Variants in ATRNL1 observed in about 807,000 individuals in gnomAD.
ATRNL1 encodes the protein attractin like 1.
Under a neutral mutation model 182.7 loss-of-function variants are expected in ATRNL1, and 95 were observed. The ratio of observed to expected loss-of-function variants is 0.52; its 90% confidence interval spans 0.44 to 0.62. The LOEUF is 0.62. Ranked by LOEUF, ATRNL1 falls within the 20% of genes least tolerant of loss-of-function variation. The pLI is 0.00. For missense variants in ATRNL1, 1,471 were observed against 1,679.5 expected, an observed-to-expected ratio of 0.88 and a Z score of 2.17; for synonymous variants, 576 against 568.3, an observed-to-expected ratio of 1.01 and a Z score of -0.19.
chr10:115,287,285 G>T (rs1852663751), intron 15 of ATRNL1, among the ~76,000 whole-genome samples: 1 of 151,906 alleles, frequency 6.6e-6, no homozygotes, highest in Non-Finnish European at 1.5e-5. Flanking sequence ...GTTTATTGTG[G>T]GTAATAAATG....
At chr10:115,610,717 C>T (rs1002560145) in intron 26 of ATRNL1, among the ~76,000 whole-genome samples, 1 of 152,108 alleles carries the variant, frequency 6.6e-6, no homozygotes, top group Non-Finnish European at 1.5e-5. Context: ...GGTCTTTGAA[C>T]AGTGCTTACC....
At chr10:115,753,118 T>C (rs1948492383) in intron 27 of ATRNL1, among the ~76,000 whole-genome samples, 1 of 152,054 alleles carries the variant, frequency 6.6e-6, no homozygotes, top group African/African-American at 2.4e-5. Context: ...GATGCACATA[T>C]GGAAGATTTG....
At chr10:115,521,516 A>AAAATTTC (rs1850934936) in intron 25 of ATRNL1, among the ~76,000 whole-genome samples, 1 of 152,190 alleles carries the variant, frequency 6.6e-6, no homozygotes, top group Admixed American at 6.5e-5. Context: ...GGTTAAGTGA[A>AAAATTTC]AAATTTCACA....
intron 26 of ATRNL1, among the ~76,000 whole-genome samples, chr10:115,679,664 T>C (rs1945985164): frequency 6.6e-6 from 1 of 152,116 alleles, no homozygotes; most frequent in African/African-American, 2.4e-5. Flanking sequence ...AGCTCAACAA[T>C]TGTAACAATA....
chr10:115,635,803 C>T (rs552423663), intron 26 of ATRNL1, among the ~76,000 whole-genome samples: 1 of 152,004 alleles, frequency 6.6e-6, no homozygotes, highest in South Asian at 2.1e-4. Context: ...AGACACTGTA[C>T]AGGAAAAAAA....
intron 15 of ATRNL1, among the ~76,000 whole-genome samples, chr10:115,295,090 A>G (rs1366958269): frequency 6.6e-6 from 1 of 152,028 alleles, no homozygotes; most frequent in Non-Finnish European, 1.5e-5. Flanking sequence ...GGAACAACCT[A>G]TGAGATTGGT....
At chr10:115,654,408 G>T (rs554720361) in intron 26 of ATRNL1, among the ~76,000 whole-genome samples, 3 of 151,754 alleles carry the variant, frequency 2.0e-5, no homozygotes, top group Non-Finnish European at 4.4e-5. Flanking sequence ...TAGTAGAGAC[G>T]GGGTTTTGCC....
At chr10:115,781,929 A>G (rs940904896) in intron 27 of ATRNL1, among the ~76,000 whole-genome samples, 1 of 152,178 alleles carries the variant, frequency 6.6e-6, no homozygotes, top group Non-Finnish European at 1.5e-5. Flanking sequence ...ACTCTTACCC[A>G]CAATGTTTTT....
intron 21 of ATRNL1, among the ~76,000 whole-genome samples, chr10:115,433,117 A>T (rs1846245246): frequency 6.6e-6 from 1 of 151,948 alleles, no homozygotes; most frequent in Non-Finnish European, 1.5e-5. Flanking sequence ...TTTATGTTGA[A>T]TTTCTTTTAT....
chr10:115,473,561 T>G (rs1554972515), intron 24 of ATRNL1, among the ~76,000 whole-genome samples: 1 of 151,284 alleles, frequency 6.6e-6, no homozygotes, highest in Non-Finnish European at 1.5e-5. Flanking sequence ...CTTGCCTGAC[T>G]TGGGTGTCAG....
intron 24 of ATRNL1, among the ~76,000 whole-genome samples, chr10:115,495,551 A>T (rs1033625891): frequency 6.6e-6 from 1 of 152,064 alleles, no homozygotes; most frequent in Non-Finnish European, 1.5e-5. Flanking sequence ...GAATTTTCTG[A>T]TTTCTGACTT....
At chr10:115,830,978 G>A (rs150053205) in intron 27 of ATRNL1, among the ~76,000 whole-genome samples, 2 of 152,200 alleles carry the variant, frequency 1.3e-5, no homozygotes, top group East Asian at 3.9e-4. Flanking sequence ...CCTTGGCTGT[G>A]AGCACCAGTC....
At chr10:115,924,475 A>G (rs952002083) in intron 28 of ATRNL1, among the ~76,000 whole-genome samples, 1 of 152,140 alleles carries the variant, frequency 6.6e-6, no homozygotes, top group Admixed American at 6.5e-5. Context: ...ATGGCTAACC[A>G]GTTTTTCCAG....
chr10:115,492,836 G>A (rs1409864050), intron 24 of ATRNL1, among the ~76,000 whole-genome samples: 2 of 151,126 alleles, frequency 1.3e-5, no homozygotes, highest in African/African-American at 2.4e-5. Context: ...GTAGAGACGG[G>A]GTTTCACCAT....
chr10:115,412,901 T>C (rs1242703376), intron 20 of ATRNL1, among the ~76,000 whole-genome samples: 1 of 152,196 alleles, frequency 6.6e-6, no homozygotes, highest in African/African-American at 2.4e-5. Flanking sequence ...ATGTTGAAAA[T>C]AGTTAGATCC....
intron 15 of ATRNL1, among the ~76,000 whole-genome samples, chr10:115,295,778 G>T (rs959196294): frequency 6.6e-6 from 1 of 152,092 alleles, no homozygotes; most frequent in South Asian, 2.1e-4. Context: ...TTTCCCTGCT[G>T]TGTAGGACCA....
chr10:115,569,783 T>C (rs1215396463), intron 26 of ATRNL1, among the ~76,000 whole-genome samples: 1 of 151,706 alleles, frequency 6.6e-6, no homozygotes, highest in Non-Finnish European at 1.5e-5. Flanking sequence ...ATACTTTTTT[T>C]TTTTTTTTAA....
intron 7 of ATRNL1, among the ~76,000 whole-genome samples, chr10:115,166,379 A>G (rs1380539129): frequency 2.0e-5 from 3 of 151,736 alleles, no homozygotes; most frequent in African/African-American, 7.3e-5. Flanking sequence ...GTGTACAACT[A>G]TCTGAGTCTC....
intron 24 of ATRNL1, among the ~76,000 whole-genome samples, chr10:115,484,374 A>C (rs1052135629): frequency 1.3e-5 from 2 of 151,552 alleles, no homozygotes; most frequent in Non-Finnish European, 3.0e-5. Flanking sequence ...ACTCTTTTAC[A>C]GTTAAAAAAA....
Sources: allele counts gnomAD v4.1 joint callset (sites outside exome capture counted in the v4.1 genomes callset), GRCh38; gene constraint gnomAD v4.1.1; transcripts MANE v1.5; gene names NCBI Gene and HGNC (gene_info 2026-07-23, HGNC 2026-07-21).